Variants in PXDNL observed in about 807,000 individuals in gnomAD.
PXDNL encodes probable oxidoreductase PXDNL.
PXDNL carries 145 observed loss-of-function variants against 150.8 expected under a neutral mutation model. That is an observed-to-expected ratio of 0.96 (90% CI 0.84 to 1.10). The LOEUF (loss-of-function observed/expected upper bound fraction) is 1.10, where lower values mean the gene tolerates loss of function less well. Among genes scored for constraint, PXDNL ranks in the 50% least tolerant of loss-of-function variants. The pLI is 0.00. For synonymous variants in PXDNL, 757 were observed against 725.7 expected, an observed-to-expected ratio of 1.04 and a Z score of -0.69; for missense variants, 2,087 against 1,873.9, an observed-to-expected ratio of 1.11 and a Z score of -2.10.
chr8:51,394,486 T>A (rs1464607739), intron 17 of PXDNL, among the ~76,000 whole-genome samples: 1 of 152,214 alleles, frequency 6.6e-6, no homozygotes, highest in Non-Finnish European at 1.5e-5. Context: ...AAGAATATCC[T>A]TCTTCAATCG....
At chr8:51,396,311 C>T (rs911669284) in intron 17 of PXDNL, among the ~76,000 whole-genome samples, 7 of 152,222 alleles carry the variant, frequency 4.6e-5, no homozygotes, top group Non-Finnish European at 1.0e-4. Context: ...ATATGTGCTG[C>T]TGGATGGGGT....
intron 1 of PXDNL, among the ~76,000 whole-genome samples, chr8:51,671,969 C>T (rs1815506595): frequency 6.6e-6 from 1 of 152,154 alleles, no homozygotes; most frequent in South Asian, 2.1e-4. Context: ...AATAAATTAA[C>T]TATTGCAAGT....
intron 4 of PXDNL, among the ~76,000 whole-genome samples, chr8:51,520,448 C>T (rs9298451): frequency 0.19 from 28,433 of 151,974 alleles, 3,069 homozygotes; most frequent in African/African-American, 0.29. Flanking sequence ...GGAGGAGGGA[C>T]GGAAACGCGG....
At chr8:51,365,786 T>C (rs925554466) in intron 19 of PXDNL, among the ~76,000 whole-genome samples, 2 of 152,102 alleles carry the variant, frequency 1.3e-5, no homozygotes, top group Admixed American at 6.5e-5. Flanking sequence ...CTCACCTAAG[T>C]GAGAACCTTA....
chr8:51,802,578 A>G (rs144579603), intron 1 of PXDNL, among the ~76,000 whole-genome samples: 136 of 152,344 alleles, frequency 8.9e-4, no homozygotes, highest in African/African-American at 3.1e-3. Flanking sequence ...AAAAGATTGG[A>G]CATCGCTGGT....
intron 4 of PXDNL, among the ~76,000 whole-genome samples, chr8:51,535,235 G>A (rs1416369903): frequency 1.9e-4 from 25 of 133,398 alleles, no homozygotes; most frequent in Admixed American, 1.4e-3. Context: ...GGCTCATTGG[G>A]GATGGGCCAT....
At chr8:51,331,018 G>A (rs189490614) in intron 21 of PXDNL, among the ~76,000 whole-genome samples, 290 of 152,228 alleles carry the variant, frequency 1.9e-3, no homozygotes, top group African/African-American at 6.6e-3. Flanking sequence ...GCAGCATTGC[G>A]GAGGCTTGCA....
At chr8:51,333,734 T>G (rs1805758883) in intron 21 of PXDNL, among the ~76,000 whole-genome samples, 1 of 152,152 alleles carries the variant, frequency 6.6e-6, no homozygotes, top group Admixed American at 6.5e-5. Flanking sequence ...GGACATTATA[T>G]AACAGTAAAA....
chr8:51,689,014 C>A (rs930343651), intron 1 of PXDNL, among the ~76,000 whole-genome samples: 1 of 152,134 alleles, frequency 6.6e-6, no homozygotes, highest in African/African-American at 2.4e-5. Context: ...CTTGCCACGC[C>A]ATTAGGAATC....
intron 1 of PXDNL, among the ~76,000 whole-genome samples, chr8:51,690,467 A>G (rs924113273): frequency 2.0e-5 from 3 of 151,944 alleles, no homozygotes; most frequent in African/African-American, 7.3e-5. Flanking sequence ...ATGATTTCCA[A>G]TTTCATCCAT....
At chr8:51,662,888 A>G (rs1216239309) in intron 1 of PXDNL, among the ~76,000 whole-genome samples, 1 of 152,250 alleles carries the variant, frequency 6.6e-6, no homozygotes, top group Non-Finnish European at 1.5e-5. Flanking sequence ...TGCACATTTC[A>G]TCAACATCCC....
chr8:51,581,513 A>ATAAATAAATAAATAAATAAATAAT (rs538220379), intron 3 of PXDNL, among the ~76,000 whole-genome samples: 3,575 of 151,952 alleles, frequency 0.024, 135 homozygotes, highest in African/African-American at 0.082. Context: ...AAATAAATAA[A>ATAAATAAATAAATAAATAAATAAT]TTTTAAAAAT....
chr8:51,805,987 A>G lies in PXDNL; in HGVS notation c.164+3194T>C, dbSNP rs115812429. The stretch of plus-strand genomic sequence containing the variant: ...TGTTTGCAAATTCTAATTCTGAAAG[A>G]TTTGTTTTACTAAAATCCACGGCAC... On this transcript the variant is annotated intron_variant, in intron 1 of 22. Coordinates refer to ENST00000356297, the MANE Select transcript of PXDNL (RefSeq NM_144651.5). Among the ~76,000 whole-genome samples, 330 of 152,296 alleles carry G rather than the reference A, an allele frequency of 2.2e-3. 3 individuals carry two copies. Among genetic ancestry groups the G allele is most frequent in the African/African-American group, 7.5e-3 (312 of 41,564 alleles).
intron 12 of PXDNL, among the ~76,000 whole-genome samples, chr8:51,428,652 C>A (rs986017974): frequency 6.6e-6 from 1 of 152,030 alleles, no homozygotes; most frequent in Non-Finnish European, 1.5e-5. Flanking sequence ...AAATGGATAA[C>A]CATAGGCAGA....
chr8:51,683,164 C>CATATAT (rs71237228), intron 1 of PXDNL, among the ~76,000 whole-genome samples: 2,434 of 44,340 alleles, frequency 0.055, 263 homozygotes, highest in East Asian at 0.083. Flanking sequence ...AATTGTCTTT[C>CATATAT]ATATATATAT....
intron 4 of PXDNL, among the ~76,000 whole-genome samples, chr8:51,541,022 G>T (rs911036377): frequency 2.0e-5 from 3 of 151,920 alleles, no homozygotes; most frequent in Non-Finnish European, 4.4e-5. Flanking sequence ...CACTTTGGGG[G>T]ACCAAGGCAT....
chr8:51,704,566 CTGAG>C (rs1417313457), intron 1 of PXDNL, among the ~76,000 whole-genome samples: 2 of 152,146 alleles, frequency 1.3e-5, no homozygotes, highest in African/African-American at 4.8e-5. Context: ...AATTGTTTCC[CTGAG>C]TGTTTGTATC....
chr8:51,484,678 C>T (rs1810689494), intron 5 of PXDNL, among the ~76,000 whole-genome samples: 2 of 152,120 alleles, frequency 1.3e-5, no homozygotes, highest in South Asian at 4.1e-4. Context: ...GAGGTCATGC[C>T]CCATGCCAGG....
intron 21 of PXDNL, among the ~76,000 whole-genome samples, chr8:51,329,693 A>T (rs932985889): frequency 5.3e-5 from 8 of 152,246 alleles, no homozygotes; most frequent in Non-Finnish European, 7.3e-5. Flanking sequence ...TAAAAATGCA[A>T]AAGAAGAATT....
Sources: gnomAD v4.1 joint callset for allele counts (sites outside exome capture counted in the v4.1 genomes callset) on GRCh38, gnomAD v4.1.1 for gene constraint, MANE v1.5 for transcripts, NCBI Gene and HGNC (gene_info 2026-07-23, HGNC 2026-07-21) for gene names.